Variants in USP6 observed in about 807,000 individuals in gnomAD.
The protein encoded by USP6 is ubiquitin specific peptidase 6.
USP6 carries 128 observed loss-of-function variants against 175.7 expected under a neutral mutation model. The ratio of observed to expected loss-of-function variants is 0.73; its 90% CI spans 0.63 to 0.84. The LOEUF (loss-of-function observed/expected upper bound fraction) is 0.84, where lower values mean the gene tolerates loss of function less well. USP6 is among the 40% of genes least tolerant of loss of function. The pLI, the probability that USP6 is intolerant of heterozygous loss-of-function variation, is 0.00. For synonymous variants in USP6, 562 were observed against 630.6 expected (o/e 0.89, Z 1.63); for missense variants, 1,498 against 1,760.3 (o/e 0.85, Z 2.67).
intron 30 of USP6, among the ~76,000 whole-genome samples, chr17:5,150,344 G>T (rs1598058114): frequency 1.6e-5 from 2 of 125,524 alleles, no homozygotes; most frequent in Non-Finnish European, 3.7e-5. Context: ...ATAAAATAAA[G>T]TAAAGGAAAT....
intron 29 of USP6, 28 bp downstream of exon 29, chr17:5,147,222 T>C (rs369451076): frequency 4.5e-6 from 7 of 1,571,514 alleles, no homozygotes; most frequent in Non-Finnish European, 6.1e-6. Flanking sequence ...CTCCTTCTCA[T>C]GACTGCACCT....
At chr17:5,162,583 A>G (rs1009263866) in intron 32 of USP6, among the ~76,000 whole-genome samples, 9 of 152,246 alleles carry the variant, frequency 5.9e-5, no homozygotes, top group African/African-American at 1.7e-4. Flanking sequence ...TAGTATCTCA[A>G]ACAGCCAATT....
intron 30 of USP6, among the ~76,000 whole-genome samples, chr17:5,153,981 T>C (rs2073829616): frequency 6.6e-6 from 1 of 152,220 alleles, no homozygotes; most frequent in African/African-American, 2.4e-5. Flanking sequence ...ACCATGTTAA[T>C]AACTGGGAGT....
intron 10 of USP6, 64 bp downstream of exon 10, chr17:5,130,503 G>A: frequency 6.2e-7 from 1 of 1,610,422 alleles, no homozygotes; most frequent in Non-Finnish European, 8.5e-7. Context: ...AAGGGTCCTG[G>A]GTTCCCTAGG....
At chr17:5,117,137 C>T (rs1490821880) in intron 1 of USP6, among the ~76,000 whole-genome samples, 1 of 152,208 alleles carries the variant, frequency 6.6e-6, no homozygotes, top group Non-Finnish European at 1.5e-5. Flanking sequence ...ATTAGTTTCT[C>T]TTCTACAATT....
intron 31 of USP6, among the ~76,000 whole-genome samples, chr17:5,158,668 A>AGAGATTGAGATT (rs2073946335): frequency 2.4e-5 from 3 of 122,586 alleles, no homozygotes; most frequent in African/African-American, 9.0e-5. Context: ...AGAGAGAGAG[A>AGAGATTGAGATT]GAGATTGAGA....
chr17:5,145,951 A>G, intron 27 of USP6, 72 bp from the exon 28 acceptor site: 3 of 1,478,612 alleles, frequency 2.0e-6, no homozygotes, highest in East Asian at 2.3e-5. Context: ...GGTCAGATAT[A>G]TCTGTACACA....
At chr17:5,126,542 T>A (rs2072899859) in intron 6 of USP6, among the ~76,000 whole-genome samples, 1 of 152,132 alleles carries the variant, frequency 6.6e-6, no homozygotes, top group Non-Finnish European at 1.5e-5. Context: ...TAACTCGACC[T>A]CCTACTCATG....
At chr17:5,168,497 A>G (rs975206794) in intron 34 of USP6, among the ~76,000 whole-genome samples, 1 of 152,242 alleles carries the variant, frequency 6.6e-6, no homozygotes, top group African/African-American at 2.4e-5. Context: ...TAGAAGAGCA[A>G]CTGAGCCCGG....
chr17:5,142,242 A>G (rs2073469701), intron 24 of USP6, 101 bp downstream of exon 24: 1 of 1,541,720 alleles, frequency 6.5e-7, no homozygotes, highest in Non-Finnish European at 8.7e-7. Flanking sequence ...GAAAGATTTT[A>G]TCTTATTTGC....
chr17:5,135,382 G>C, intron 16 of USP6, 100 bp downstream of exon 16: 3 of 1,445,930 alleles, frequency 2.1e-6, no homozygotes, highest in Non-Finnish European at 2.9e-6. Context: ...GTTGGTATTT[G>C]TGACTCACCA....
intron 37 of USP6, 39 bp from the exon 38 acceptor site, chr17:5,172,766 G>C (rs765249615): frequency 4.3e-6 from 7 of 1,610,302 alleles, no homozygotes; most frequent in Non-Finnish European, 5.9e-6. Context: ...AGTCATAATA[G>C]TGATGGCTTT....
At position 5,132,203 on chromosome 17, in the gene USP6, C is replaced by T. The variant is rs749209200; in HGVS notation, c.156-193C>T. The T allele has an allele frequency of 7.1e-5, 110 of 1,547,638 alleles. No individual in the cohort carries two copies. Among genetic ancestry groups the T allele is most frequent in the Admixed American group, 7.8e-5 (4 of 51,374 alleles). The stretch of plus-strand genomic sequence containing the variant: ...CAGCCAGGCTGTCCCTGCACTCCTT[C>T]TTCTCCCAGGTCCTGCCCCTCCTGG... On this transcript the variant is annotated intron_variant, in intron 11 of 37. Transcript: ENST00000574788. This position sits in a 1 kb window ranked among gnomAD's most constrained non-coding sequence, Gnocchi z 4.7.
chr17:5,141,345 T>TAAAA, intron 22 of USP6, 80 bp from the exon 23 acceptor site: 3 of 1,055,804 alleles, frequency 2.8e-6, no homozygotes, highest in Non-Finnish European at 4.0e-6. Flanking sequence ...AAGATGTCTT[T>TAAAA]AAAAAAAAAA....
rs1251100136 is a variant in USP6 at position 5,170,542 on chromosome 17, A to G, written c.3581A>G (p.Asn1194Ser). ...CCCTCCAGCAAAAACAGCAGCCCTA[A>G]TAGCAGCCCACGGACTTTGGGGAGG... ...SCPSSKNSSP[N>S]SSPRTLGRSK... Residue 1194 changes from asparagine (N) to serine (S), a missense_variant, in exon 36 of 38, where the codon AAT becomes AGT. Asn to Ser is a conservative substitution (Grantham distance 46, BLOSUM62 1). This residue lies in a region of USP6 where 1,217 missense variants were observed against 1,500.8 expected (regional missense o/e 0.81). Transcript: ENST00000574788. 5 of 1,611,774 alleles carry G rather than the reference A, an allele frequency of 3.1e-6. No homozygotes were observed. Among genetic ancestry groups the G allele is most frequent in the African/African-American group, 2.7e-5 (2 of 74,862 alleles).
At position 5,171,638 on chromosome 17, in the gene USP6, C is replaced by A. The variant is rs1330363032; in HGVS notation, c.4006C>A (p.Pro1336Thr). The change falls in exon 37 of 38, where the codon CCA becomes ACA. Residue 1336 changes from proline (P) to threonine (T), a missense_variant. Pro to Thr is a conservative substitution (Grantham distance 38). Transcript: ENST00000574788. ...CCATTACATCACTTATGCCAAAAAC[C>A]CAAACTGCAAGTGGTACTGTTATAA... ...GGHYITYAKN[P>T]NCKWYCYNDS... The A allele has an allele frequency of 6.2e-7, 1 of 1,613,742 alleles. No individual in the cohort carries two copies. The highest frequency in any genetic ancestry group is 8.5e-7 in the Non-Finnish European group (1 of 1,179,778).
chr17:5,138,238 A>T lies in USP6; in HGVS notation c.1043A>T (p.Lys348Ile). 1 of 1,613,992 alleles carries T rather than the reference A, an allele frequency of 6.2e-7. No homozygotes were observed. Among genetic ancestry groups the T allele is most frequent in the South Asian group, 1.1e-5 (1 of 91,088 alleles). ...AAGCATCTTAGGGCCTCTACGAAGA[A>T]ACTAACAAGGAAGCAAGGGGACCTG... ...VLKHLRASTKKLTRKQGDLPP... is the reference protein window; with the variant it reads ...VLKHLRASTKILTRKQGDLPP... Residue 348 changes from lysine to isoleucine, a missense_variant, in exon 21 of 38, where the codon AAA becomes ATA. Around this residue, in one of 2 missense-constraint regions of USP6, gnomAD observed 1,217 missense variants for 1,500.8 expected, o/e 0.81. Transcript: ENST00000574788.
At chr17:5,118,086 C>G (rs1421525686) in intron 1 of USP6, 114 bp from the exon 2 acceptor site, 1 of 149,312 alleles carries the variant, frequency 6.7e-6, no homozygotes, top group African/African-American at 2.5e-5. Flanking sequence ...AAAAAAAAAT[C>G]AAGACAAGTG....
chr17:5,146,365 A>T (rs568381428), intron 28 of USP6, among the ~76,000 whole-genome samples, 191 bp downstream of exon 28: 2 of 152,304 alleles, frequency 1.3e-5, no homozygotes, highest in Admixed American at 1.3e-4. Flanking sequence ...GAATAAAGGG[A>T]TAATACTGAT....
Sources: gnomAD v4.1 joint callset for allele counts (sites outside exome capture counted in the v4.1 genomes callset) on GRCh38, gnomAD v4.1.1 for gene constraint, gnomAD v4.1.1 regional missense constraint, Gnocchi (gnomAD v3.1) non-coding constraint, MANE v1.5 for transcripts, NCBI Gene and HGNC (gene_info 2026-07-23, HGNC 2026-07-21) for gene names.